Variants in SLC44A5 observed in about 807,000 individuals in gnomAD.
The protein encoded by SLC44A5 is solute carrier family 44 member 5, also known as choline transporter-like protein 5.
Under a neutral mutation model 101.8 loss-of-function variants are expected in SLC44A5, and 57 were observed. The observed-to-expected ratio is 0.56, with a 90% confidence interval of 0.45 to 0.70. The LOEUF (loss-of-function observed/expected upper bound fraction) is 0.70. Among genes scored for constraint, SLC44A5 ranks in the 30% least tolerant of loss-of-function variants. SLC44A5 has a pLI of 0.00. For missense variants in SLC44A5, 737 were observed against 853.1 expected, an observed-to-expected ratio of 0.86 and a Z score of 1.70; for synonymous variants, 281 against 290.9, an observed-to-expected ratio of 0.97 and a Z score of 0.35.
chr1:75,318,216 C>A (rs1251106587), intron 4 of SLC44A5, among the ~76,000 whole-genome samples: 1 of 151,840 alleles, frequency 6.6e-6, no homozygotes, highest in African/African-American at 2.4e-5. Flanking sequence ...CGTCTCTACA[C>A]AAATAAAAAC....
chr1:75,533,770 C>T lies in SLC44A5; in HGVS notation c.13+7665G>A, dbSNP rs545388648. 1.3e-4 allele frequency among the ~76,000 whole-genome samples: 20 copies of T among 152,280 alleles called. No individual in the cohort carries two copies. In the East Asian group the frequency reaches 3.1e-3, roughly 23 times the overall value. ...ATGCACATTTCCCCATTGCAATACC[C>T]TATTCTTGAATATTTTCTTTTAGAG... On this transcript the variant is annotated intron_variant, in intron 2 of 23. Transcript: ENST00000370859.
At chr1:75,696,266 G>T in the SLC44A5 span, among the ~76,000 whole-genome samples, 7 of 152,100 alleles carry the variant, frequency 4.6e-5, no homozygotes, top group African/African-American at 1.7e-4. Flanking sequence ...GGTGACATGT[G>T]TCACTTCTTA....
At chr1:75,248,140 G>T (rs1410986461) in intron 7 of SLC44A5, among the ~76,000 whole-genome samples, 1 of 152,026 alleles carries the variant, frequency 6.6e-6, no homozygotes, top group East Asian at 1.9e-4. Flanking sequence ...GAATAAGATG[G>T]TATAAGATGG....
intron 3 of SLC44A5, among the ~76,000 whole-genome samples, chr1:75,371,393 A>C (rs1660212161): frequency 1.3e-5 from 2 of 152,332 alleles, no homozygotes; most frequent in South Asian, 2.1e-4. Flanking sequence ...TTGAGTTAGC[A>C]TATGTAAAGC....
intron 2 of SLC44A5, among the ~76,000 whole-genome samples, chr1:75,480,475 A>C (rs1358283303): frequency 2.0e-5 from 3 of 152,254 alleles, no homozygotes; most frequent in Non-Finnish European, 4.4e-5. Context: ...CCCTGTTTGC[A>C]GATGACATGA....
rs184588685 is a variant in SLC44A5, at chr1:75,268,850, G to A, written c.260+6108C>T. Among the ~76,000 whole-genome samples, 15 of 151,928 alleles carry A rather than the reference G, an allele frequency of 9.9e-5. No individual in the cohort carries two copies. In the East Asian group the frequency reaches 1.7e-3, roughly 18 times the overall value. On this transcript the variant is annotated intron_variant, in intron 6 of 23. Coordinates refer to ENST00000370859, the MANE Select transcript of SLC44A5 (RefSeq NM_001130058.2). ...ATGGTATTTTATAATTGACTATACCGTAATTCATTTAATCAATCTCCTATT... is the reference window on the plus strand; with the variant it reads ...ATGGTATTTTATAATTGACTATACCATAATTCATTTAATCAATCTCCTATT...
the SLC44A5 span, among the ~76,000 whole-genome samples, chr1:75,644,371 ATC>A: frequency 6.6e-6 from 1 of 151,228 alleles, no homozygotes; most frequent in Non-Finnish European, 1.5e-5. Context: ...TAAACAAGGG[ATC>A]ATTCAGAGAA....
chr1:75,267,533 C>A (rs1360771341), intron 6 of SLC44A5, among the ~76,000 whole-genome samples: 1 of 151,856 alleles, frequency 6.6e-6, no homozygotes, highest in East Asian at 1.9e-4. Flanking sequence ...AGGATATCTG[C>A]CATTATATTT....
At chr1:75,723,288 CAG>C in the SLC44A5 span, among the ~76,000 whole-genome samples, 1 of 152,190 alleles carries the variant, frequency 6.6e-6, no homozygotes, top group African/African-American at 2.4e-5. Flanking sequence ...TCCTTTGTCT[CAG>C]TGTTGATTTT....
At chr1:75,330,643 C>T (rs1001672376) in intron 4 of SLC44A5, among the ~76,000 whole-genome samples, 22 of 152,020 alleles carry the variant, frequency 1.4e-4, no homozygotes, top group African/African-American at 5.1e-4. Context: ...TCTAGTGTCT[C>T]CCATCTTCAG....
At chr1:75,462,127 C>A (rs542309884) in intron 2 of SLC44A5, among the ~76,000 whole-genome samples, 1 of 152,174 alleles carries the variant, frequency 6.6e-6, no homozygotes, top group Non-Finnish European at 1.5e-5. Flanking sequence ...ACATTCCTAG[C>A]GGTAGTAGCC....
intron 22 of SLC44A5, among the ~76,000 whole-genome samples, chr1:75,212,013 T>A (rs1356466220): frequency 2.0e-5 from 3 of 152,022 alleles, no homozygotes; most frequent in Non-Finnish European, 2.9e-5. Flanking sequence ...GAACAACCCT[T>A]CTCAACACAG....
chr1:75,330,840 C>T (rs766747176), intron 4 of SLC44A5, among the ~76,000 whole-genome samples: 5 of 152,172 alleles, frequency 3.3e-5, no homozygotes, highest in Non-Finnish European at 7.3e-5. Flanking sequence ...ATGACTCATA[C>T]TGCCAAATCC....
chr1:75,417,177 T>C (rs1179419228), intron 2 of SLC44A5, among the ~76,000 whole-genome samples: 2 of 152,122 alleles, frequency 1.3e-5, no homozygotes, highest in African/African-American at 2.4e-5. Context: ...TGGGAGACAA[T>C]AGAATCATGG....
chr1:75,491,436 T>C (rs1442218571), intron 2 of SLC44A5, among the ~76,000 whole-genome samples: 1 of 152,098 alleles, frequency 6.6e-6, no homozygotes, highest in Non-Finnish European at 1.5e-5. Context: ...TTACGTGAGT[T>C]GAAGATTTCC....
chr1:75,429,098 A>G (rs1439871522), intron 2 of SLC44A5, among the ~76,000 whole-genome samples: 1 of 152,196 alleles, frequency 6.6e-6, no homozygotes, highest in East Asian at 1.9e-4. Context: ...TGATTATGGA[A>G]CTGGTGCTTG....
intron 3 of SLC44A5, among the ~76,000 whole-genome samples, chr1:75,365,779 T>C (rs924468051): frequency 6.6e-6 from 1 of 152,222 alleles, no homozygotes; most frequent in African/African-American, 2.4e-5. Context: ...TGTTCTGTTC[T>C]CATTCTATTT....
At chr1:75,620,992 T>A in the SLC44A5 span, among the ~76,000 whole-genome samples, 1 of 152,324 alleles carries the variant, frequency 6.6e-6, no homozygotes, top group African/African-American at 2.4e-5. Flanking sequence ...CTTTAATCCA[T>A]CTTGAGTTAA....
chr1:75,656,587 TGC>T, the SLC44A5 span, among the ~76,000 whole-genome samples: 327 of 152,324 alleles, frequency 2.1e-3, 1 homozygote, highest in African/African-American at 7.6e-3. Context: ...TGATTAAAGT[TGC>T]CATCAGTTTA....
Sources: allele counts gnomAD v4.1 joint callset (sites outside exome capture counted in the v4.1 genomes callset), GRCh38; gene constraint gnomAD v4.1.1; transcripts MANE v1.5; gene names NCBI Gene and HGNC (gene_info 2026-07-23, HGNC 2026-07-21).